WDFY4: variants seen among roughly 807,000 people sequenced by gnomAD.
The protein encoded by WDFY4 is WD repeat- and FYVE domain-containing protein 4.
Under a neutral mutation model 351.9 loss-of-function variants are expected in WDFY4, and 169 were observed. The ratio of observed to expected loss-of-function variants is 0.48; its 90% CI spans 0.42 to 0.55. The LOEUF is 0.55. Among genes scored for constraint, WDFY4 ranks in the 20% least tolerant of loss-of-function variants. The pLI is 0.00. For synonymous variants in WDFY4, 1,622 were observed against 1,574.6 expected (o/e 1.03, Z -0.71); for missense variants, 3,803 against 3,935.6 (o/e 0.97, Z 0.90).
At chr10:48,953,992 T>C (rs1290540236) in intron 51 of WDFY4, among the ~76,000 whole-genome samples, 1 of 152,250 alleles carries the variant, frequency 6.6e-6, no homozygotes, top group Admixed American at 6.5e-5. Flanking sequence ...CATACCATAA[T>C]TATAGACTGT....
chr10:48,758,595 T>G (rs2065405101), intron 12 of WDFY4, among the ~76,000 whole-genome samples: 1 of 152,176 alleles, frequency 6.6e-6, no homozygotes. Context: ...TCTGTCTTTA[T>G]TTTTAGTAAT....
chr10:48,912,344 G>A (rs12767215), intron 47 of WDFY4, among the ~76,000 whole-genome samples: 20,114 of 152,238 alleles, frequency 0.13, 1,483 homozygotes, highest in Middle Eastern at 0.22. Flanking sequence ...GGAGTTCAGT[G>A]TGGCATTATT....
intron 55 of WDFY4, chr10:48,968,385 T>C (rs1842181766): frequency 6.6e-6 from 1 of 152,422 alleles, no homozygotes. Context: ...CCCTTCCCTA[T>C]GGGGAGAGAC....
At chr10:48,835,973 G>A (rs757660972) in intron 39 of WDFY4, among the ~76,000 whole-genome samples, 12 of 152,210 alleles carry the variant, frequency 7.9e-5, no homozygotes, top group Non-Finnish European at 1.2e-4. Flanking sequence ...AGATGGAAGT[G>A]CTTAGAGCAA....
chr10:48,913,570 C>T (rs542619131), intron 47 of WDFY4: 1 of 1,614,098 alleles, frequency 6.2e-7, no homozygotes, highest in African/African-American at 1.3e-5. Context: ...TACAAGTTCT[C>T]CAGCCTCCTG....
chr10:48,800,689 T>C (rs1211504296), intron 24 of WDFY4, among the ~76,000 whole-genome samples: 1 of 135,882 alleles, frequency 7.4e-6, no homozygotes, highest in Non-Finnish European at 1.5e-5. Context: ...TTTCTTTCTT[T>C]CTTTCTTTCT....
intron 16 of WDFY4, 110 bp from the exon 17 acceptor site, chr10:48,777,309 A>AC: frequency 9.5e-7 from 1 of 1,047,164 alleles, no homozygotes; most frequent in South Asian, 1.4e-5. Flanking sequence ...AAGGAGGGTT[A>AC]CAGTGCCGGC....
At chr10:48,733,258 G>C (rs544061932) in intron 9 of WDFY4, among the ~76,000 whole-genome samples, 1 of 152,246 alleles carries the variant, frequency 6.6e-6, no homozygotes, top group South Asian at 2.1e-4. Context: ...GTGTCTTGTT[G>C]TTTCTTAGAT....
Position 48,811,703 on chromosome 10 carries a change from C to T in WDFY4, c.5209C>T (p.Pro1737Ser), listed in dbSNP as rs762055456. 25 of 1,551,400 alleles carry T rather than the reference C, an allele frequency of 1.6e-5. No homozygotes were observed. The highest frequency in any genetic ancestry group is 2.2e-5 in the Non-Finnish European group (25 of 1,146,886). Residue 1737 changes from proline (P) to serine (S), a missense_variant, in exon 30 of 62, where the codon CCC (proline) becomes TCC (serine). Around this residue, in one of 3 missense-constraint regions of WDFY4, gnomAD observed 3,054 missense variants for 3,148.6 expected, o/e 0.97. Coordinates refer to ENST00000325239, the MANE Select transcript of WDFY4 (RefSeq NM_001394531.1). ...ACCACTCACAGAGCTGATGGACGGG[C>T]CCAAAGTAGGTTTTCAGAGCACCCA... ...QTPLTELMDG[P>S]KDSLDAMLQW... is the part of the protein sequence containing the mutation.
intron 39 of WDFY4, among the ~76,000 whole-genome samples, chr10:48,854,465 C>T (rs1246904561): frequency 2.0e-5 from 3 of 152,094 alleles, no homozygotes; most frequent in Non-Finnish European, 2.9e-5. Context: ...TACACCCCAA[C>T]AGTCTCACTA....
At chr10:48,809,107 A>G (rs1406387136) in intron 28 of WDFY4, among the ~76,000 whole-genome samples, 1 of 152,032 alleles carries the variant, frequency 6.6e-6, no homozygotes, top group Non-Finnish European at 1.5e-5. Context: ...TCTGTAAGCT[A>G]ATTGCTATTA....
intron 39 of WDFY4, among the ~76,000 whole-genome samples, chr10:48,834,479 T>G (rs1166797678): frequency 6.6e-6 from 1 of 152,216 alleles, no homozygotes; most frequent in East Asian, 1.9e-4. Flanking sequence ...AATAGGAGAC[T>G]GTTTACAAAT....
At chr10:48,942,196 C>T (rs921747789) in intron 48 of WDFY4, among the ~76,000 whole-genome samples, 7 of 152,158 alleles carry the variant, frequency 4.6e-5, no homozygotes, top group African/African-American at 1.7e-4. Flanking sequence ...AACTCCTGAC[C>T]TCAGGCGATC....
At chr10:48,704,619 C>T (rs1031577156) in intron 1 of WDFY4, among the ~76,000 whole-genome samples, 1 of 152,198 alleles carries the variant, frequency 6.6e-6, no homozygotes, top group Non-Finnish European at 1.5e-5. Context: ...GTTTGCCAAG[C>T]CCCTCTCCCC....
At chr10:48,887,521 G>C (rs956906904) in intron 43 of WDFY4, among the ~76,000 whole-genome samples, 10 of 152,164 alleles carry the variant, frequency 6.6e-5, no homozygotes, top group African/African-American at 1.9e-4. Flanking sequence ...GCTCACGCCC[G>C]TAATCCCAGC....
intron 11 of WDFY4, chr10:48,736,312 T>C (rs753885468): frequency 1.6e-6 from 1 of 610,046 alleles, no homozygotes. Context: ...ATTAAGGAAC[T>C]ACCATCACCT....
intron 1 of WDFY4, among the ~76,000 whole-genome samples, chr10:48,697,158 G>A (rs2063352237): frequency 6.6e-6 from 1 of 152,190 alleles, no homozygotes; most frequent in African/African-American, 2.4e-5. Flanking sequence ...CTTGAGGTGG[G>A]CCTGGAACAC....
rs112064063 is a variant in WDFY4, at chr10:48,751,424, G to A, written c.2459+7876G>A. Among the ~76,000 whole-genome samples, 132 of 152,320 alleles carry A rather than the reference G, an allele frequency of 8.7e-4. 1 individual carries two copies. The highest frequency in any genetic ancestry group is 3.0e-3 in the African/African-American group (125 of 41,574). ...GGATGGATGGGCAGAGATGATGGCTGGAAAGGAGAGGAGCAAAGGAGCTGT... is the reference window on the plus strand; with the variant it reads ...GGATGGATGGGCAGAGATGATGGCTAGAAAGGAGAGGAGCAAAGGAGCTGT... On this transcript the variant is annotated intron_variant, in intron 12 of 61. Coordinates refer to ENST00000325239, the MANE Select transcript of WDFY4 (RefSeq NM_001394531.1).
rs755694463 is a variant in WDFY4 at position 48,786,624 on chromosome 10, T to A, written c.3577-15T>A. 5.4e-4 allele frequency: 829 copies of A among 1,544,692 alleles called. 6 individuals are homozygous for A. The highest frequency in any genetic ancestry group is 5.2e-5 in the Non-Finnish European group (59 of 1,143,206). On this transcript the variant is annotated splice_polypyrimidine_tract_variant and intron_variant, in intron 19 of 61. Transcript: ENST00000325239. ...GATCAAACACTACTCACTCTTGTCC[T>A]TTTTATTTTAACAGATGTTATACAT...
Sources: allele counts gnomAD v4.1 joint callset (sites outside exome capture counted in the v4.1 genomes callset), GRCh38; gene constraint gnomAD v4.1.1; regional missense constraint gnomAD v4.1.1; transcripts MANE v1.5; gene names NCBI Gene and HGNC (gene_info 2026-07-23, HGNC 2026-07-21).